Variants in WAPL observed in about 807,000 individuals in gnomAD.
WAPL encodes wings apart-like protein homolog.
Under a neutral mutation model 121.0 loss-of-function variants are expected in WAPL, and 5 were observed. That is an observed-to-expected ratio of 0.04 (90% CI 0.02 to 0.09). The LOEUF (loss-of-function observed/expected upper bound fraction) is 0.09. Ranked by LOEUF, WAPL falls within the 10% of genes least tolerant of loss-of-function variation. WAPL has a pLI of 1.00. For missense variants in WAPL, 999 were observed against 1,410.8 expected, an observed-to-expected ratio of 0.71 and a Z score of 4.68; for synonymous variants, 480 against 481.5, an observed-to-expected ratio of 1.00 and a Z score of 0.04.
intron 14 of WAPL, 124 bp from the exon 15 acceptor site, chr10:86,452,255 G>T: frequency 1.2e-6 from 1 of 843,616 alleles, no homozygotes; most frequent in Non-Finnish European, 1.7e-6. Flanking sequence ...CTACAAAATG[G>T]CTAAAAACCA....
intron 17 of WAPL, among the ~76,000 whole-genome samples, chr10:86,439,171 A>AC (rs1328457737): frequency 1.3e-5 from 2 of 152,144 alleles, no homozygotes; most frequent in Non-Finnish European, 2.9e-5. Flanking sequence ...GCCACTACCC[A>AC]CCCCCTTTTT....
At chr10:86,463,148 C>A (rs1026489919) in intron 9 of WAPL, among the ~76,000 whole-genome samples, 12 of 152,120 alleles carry the variant, frequency 7.9e-5, no homozygotes, top group African/African-American at 2.7e-4. Flanking sequence ...GAGGAACAGG[C>A]CGCAAGATGG....
chr10:86,478,717 A>G (rs998668811), intron 4 of WAPL, among the ~76,000 whole-genome samples: 7 of 152,236 alleles, frequency 4.6e-5, no homozygotes, highest in Admixed American at 3.9e-4. Flanking sequence ...TAGTTTCTAT[A>G]AAAACAATGG....
intron 8 of WAPL, among the ~76,000 whole-genome samples, chr10:86,469,284 G>T (rs1347474621): frequency 7.4e-3 from 4 of 544 alleles, no homozygotes; most frequent in Non-Finnish European, 0.023. Flanking sequence ...ACGGAGTCTC[G>T]CTCTGTCGCC....
rs1232839726 is a variant in WAPL, at chr10:86,521,346, C to T, written c.-23+19G>A. 3.7e-6 allele frequency: 1 copy of T among 267,286 alleles called. No individual in the cohort carries two copies. The highest frequency in any genetic ancestry group is 7.4e-6 in the Non-Finnish European group (1 of 135,974). 16.6% of individuals were successfully genotyped at this position (267,286 alleles called of 1,614,324 possible). On this transcript the variant is annotated intron_variant, in intron 1 of 18. Transcript: ENST00000298767. The stretch of plus-strand genomic sequence containing the variant: ...CCGGCTCCCTCCCGGCCTAGGCGGC[C>T]GCCCGACACCTCACTTACCCTCGGA...
At position 86,472,594 on chromosome 10, in the gene WAPL, CTG is replaced by C; in HGVS notation, c.1893+16_1893+17del. On this transcript the variant is annotated intron_variant, in intron 6 of 18. Coordinates refer to ENST00000298767, the MANE Select transcript of WAPL (RefSeq NM_015045.5). The surrounding 1 kb of genome is among the most constrained non-coding windows in gnomAD (Gnocchi z 4.2). The stretch of plus-strand genomic sequence containing the variant: ...AAAATCTATCAACATGCAGTAAACA[CTG>C]TATATGGCTGCTTACTTCTTTGTCT... The C allele has an allele frequency of 5.6e-6, 9 of 1,607,092 alleles. No individual in the cohort carries two copies. The highest frequency in any genetic ancestry group is 7.6e-6 in the Non-Finnish European group (9 of 1,177,458).
chr10:86,477,900 T>G, intron 4 of WAPL, among the ~76,000 whole-genome samples: 1 of 151,496 alleles, frequency 6.6e-6, no homozygotes, highest in East Asian at 1.9e-4. Flanking sequence ...GCCAACATGG[T>G]GAAACCCCGT....
chr10:86,469,637 G>T (rs1841489436), intron 8 of WAPL, among the ~76,000 whole-genome samples: 1 of 152,006 alleles, frequency 6.6e-6, no homozygotes, highest in African/African-American at 2.4e-5. Context: ...TTACATTTGG[G>T]ATATTCCAAC....
chr10:86,449,053 C>A (rs968455204), intron 15 of WAPL, among the ~76,000 whole-genome samples: 2 of 152,134 alleles, frequency 1.3e-5, no homozygotes, highest in South Asian at 4.1e-4. Context: ...TTTTCCCCCA[C>A]TACGTATGTG....
At chr10:86,499,411 A>C (rs1842204807) in intron 3 of WAPL, among the ~76,000 whole-genome samples, 1 of 152,326 alleles carries the variant, frequency 6.6e-6, no homozygotes, top group South Asian at 2.1e-4. Context: ...GCCAGTTCCT[A>C]GTGGATGCCT....
Position 86,436,420 on chromosome 10 carries a change from A to C in WAPL, c.*1123T>G, listed in dbSNP as rs932966376. The C allele has an allele frequency of 6.6e-6, 1 of 152,664 alleles. No individual in the cohort carries two copies. The highest frequency in any genetic ancestry group is 2.4e-5 in the African/African-American group (1 of 41,458). 9.5% of individuals were successfully genotyped at this position (152,664 alleles called of 1,614,324 possible). A position where few individuals can be genotyped will look rare whatever the true frequency, so the allele number is the denominator to read the frequency against. On this transcript the variant is annotated 3_prime_UTR_variant, in exon 19 of 19. Transcript: ENST00000298767. ...AAAAAGTATAACCAGTGGTGTGAAT[A>C]ATACAAGAAAAATTTGCAATGTTAT...
chr10:86,439,481 T>A (rs186794808), intron 17 of WAPL, among the ~76,000 whole-genome samples: 2 of 152,166 alleles, frequency 1.3e-5, no homozygotes, highest in African/African-American at 4.8e-5. Context: ...CCCTTCTCTA[T>A]CAACACACTA....
At chr10:86,470,853 T>A in intron 8 of WAPL, 139 bp downstream of exon 8, 1 of 682,366 alleles carries the variant, frequency 1.5e-6, no homozygotes, top group East Asian at 2.9e-5. Flanking sequence ...CCATAAGCAC[T>A]ACAAATTTAG....
chr10:86,476,341 G>T (rs1841653699), intron 4 of WAPL, among the ~76,000 whole-genome samples: 1 of 151,848 alleles, frequency 6.6e-6, no homozygotes, highest in African/African-American at 2.4e-5. Flanking sequence ...CTTCAGCCTG[G>T]GCGACAGAGC....
intron 9 of WAPL, 80 bp downstream of exon 9, chr10:86,467,199 A>C: frequency 7.8e-7 from 1 of 1,282,380 alleles, no homozygotes; most frequent in Non-Finnish European, 1.1e-6. Flanking sequence ...TAATTTGCCC[A>C]CAGTCACACA....
chr10:86,455,249 G>T (rs1841112370), intron 12 of WAPL, among the ~76,000 whole-genome samples: 1 of 152,246 alleles, frequency 6.6e-6, no homozygotes, highest in Non-Finnish European at 1.5e-5. Context: ...ACAGAAAAGG[G>T]GGAAATGTGG....
At chr10:86,461,059 T>C (rs1462213157) in intron 10 of WAPL, 117 bp downstream of exon 10, 3 of 851,366 alleles carry the variant, frequency 3.5e-6, no homozygotes, top group Non-Finnish European at 5.2e-6. Flanking sequence ...AACTAAAAAA[T>C]AATAATGATA....
chr10:86,520,315 T>G (rs1842649617), intron 1 of WAPL, among the ~76,000 whole-genome samples: 1 of 152,124 alleles, frequency 6.6e-6, no homozygotes, highest in Non-Finnish European at 1.5e-5. Context: ...ATAATAATGA[T>G]AATAATAATT....
At chr10:86,446,490 C>T in intron 15 of WAPL, 41 bp from the exon 16 acceptor site, 2 of 1,578,740 alleles carry the variant, frequency 1.3e-6, no homozygotes, top group African/African-American at 1.3e-5. Context: ...AAAGAGATTG[C>T]CAATCAATAT....
Sources: gnomAD v4.1 joint callset for allele counts (sites outside exome capture counted in the v4.1 genomes callset) on GRCh38, gnomAD v4.1.1 for gene constraint, Gnocchi (gnomAD v3.1) non-coding constraint, MANE v1.5 for transcripts, NCBI Gene and HGNC (gene_info 2026-07-23, HGNC 2026-07-21) for gene names.